CLSTN2: variants seen among roughly 807,000 people sequenced by gnomAD.
CLSTN2 encodes calsyntenin-2.
In CLSTN2, 48 loss-of-function variants were observed where a neutral mutation model predicts 101.2. That is an observed-to-expected ratio of 0.47 (90% CI 0.38 to 0.60). The LOEUF (loss-of-function observed/expected upper bound fraction) is 0.60. Ranked by LOEUF, CLSTN2 falls within the 20% of genes least tolerant of loss-of-function variation. CLSTN2 has a pLI of 0.00. For missense variants in CLSTN2, 1,160 were observed against 1,238.2 expected (o/e 0.94, Z 0.95); for synonymous variants, 481 against 463.6 (o/e 1.04, Z -0.48).
At chr3:140,095,664 T>C (rs1444082576) in intron 1 of CLSTN2, among the ~76,000 whole-genome samples, 1 of 152,212 alleles carries the variant, frequency 6.6e-6, no homozygotes, top group Non-Finnish European at 1.5e-5. Flanking sequence ...ATGGAGACTT[T>C]TCCTGCATCC....
intron 2 of CLSTN2, among the ~76,000 whole-genome samples, chr3:140,306,278 G>T (rs948663725): frequency 6.6e-6 from 1 of 152,096 alleles, no homozygotes; most frequent in Non-Finnish European, 1.5e-5. Flanking sequence ...CCAATGAATC[G>T]CATGCCATGA....
intron 2 of CLSTN2, among the ~76,000 whole-genome samples, chr3:140,258,627 G>C (rs893103577): frequency 1.1e-4 from 17 of 152,168 alleles, no homozygotes; most frequent in African/African-American, 4.1e-4. Context: ...TCTACTTGCA[G>C]TTAAATTCTA....
intron 2 of CLSTN2, among the ~76,000 whole-genome samples, chr3:140,343,749 G>A (rs115298456): frequency 6.6e-6 from 1 of 152,066 alleles, no homozygotes; most frequent in Non-Finnish European, 1.5e-5. Context: ...AAGTTTATAC[G>A]GTTATTCTAA....
At chr3:140,162,633 C>A (rs769787818) in intron 1 of CLSTN2, among the ~76,000 whole-genome samples, 1 of 152,044 alleles carries the variant, frequency 6.6e-6, no homozygotes, top group Non-Finnish European at 1.5e-5. Flanking sequence ...GGCTGGGTGG[C>A]GGGGGCCTTT....
At chr3:140,093,373 G>A (rs2008814016) in intron 1 of CLSTN2, among the ~76,000 whole-genome samples, 1 of 152,106 alleles carries the variant, frequency 6.6e-6, no homozygotes, top group African/African-American at 2.4e-5. Context: ...TGTCCTCACT[G>A]CCTTCTTGTT....
At chr3:140,422,224 A>G (rs2088515139) in intron 5 of CLSTN2, among the ~76,000 whole-genome samples, 1 of 139,024 alleles carries the variant, frequency 7.2e-6, no homozygotes, top group South Asian at 2.3e-4. Context: ...TCTCTCTGCT[A>G]TCTTTAATTC....
At chr3:140,134,698 C>A (rs2009573244) in intron 1 of CLSTN2, among the ~76,000 whole-genome samples, 1 of 152,072 alleles carries the variant, frequency 6.6e-6, no homozygotes, top group African/African-American at 2.4e-5. Context: ...AGCATAGAGG[C>A]CACCAGGCAA....
chr3:139,966,805 C>T (rs1169249070), intron 1 of CLSTN2, among the ~76,000 whole-genome samples: 1 of 152,154 alleles, frequency 6.6e-6, no homozygotes, highest in Non-Finnish European at 1.5e-5. Context: ...GCTGAATTAT[C>T]TTTTGGGTCT....
At chr3:140,341,350 G>T (rs1329739051) in intron 2 of CLSTN2, among the ~76,000 whole-genome samples, 1 of 152,168 alleles carries the variant, frequency 6.6e-6, no homozygotes, top group Non-Finnish European at 1.5e-5. Flanking sequence ...CTTGATTCCT[G>T]CTAAGTGTGC....
chr3:140,129,255 C>T (rs1320261), intron 1 of CLSTN2, among the ~76,000 whole-genome samples: 133,650 of 152,120 alleles, frequency 0.88, 58,921 homozygotes, highest in African/African-American at 0.95. Flanking sequence ...TACCCATACT[C>T]TTTCATGAAA....
chr3:140,075,822 C>T (rs890339940), intron 1 of CLSTN2, among the ~76,000 whole-genome samples: 8 of 151,818 alleles, frequency 5.3e-5, no homozygotes, highest in East Asian at 1.9e-4. Flanking sequence ...TTCGTGTTGG[C>T]GGAGGGACAG....
intron 8 of CLSTN2, among the ~76,000 whole-genome samples, chr3:140,482,939 T>C (rs1008785930): frequency 6.6e-6 from 1 of 152,218 alleles, no homozygotes; most frequent in Non-Finnish European, 1.5e-5. Context: ...TGTCTCTATT[T>C]CCTTCAGTTC....
At chr3:140,372,924 C>G (rs1345912905) in intron 2 of CLSTN2, among the ~76,000 whole-genome samples, 1 of 152,096 alleles carries the variant, frequency 6.6e-6, no homozygotes, top group Non-Finnish European at 1.5e-5. Flanking sequence ...TAAAAATTAG[C>G]CAGGCATAAT....
intron 8 of CLSTN2, among the ~76,000 whole-genome samples, chr3:140,523,130 C>T (rs1423705403): frequency 2.6e-5 from 4 of 151,808 alleles, no homozygotes; most frequent in Non-Finnish European, 5.9e-5. Context: ...ACTTGATGCC[C>T]ATGCACAGAG....
intron 1 of CLSTN2, among the ~76,000 whole-genome samples, chr3:140,024,701 G>A (rs114267529): frequency 6.6e-6 from 1 of 152,282 alleles, no homozygotes; most frequent in African/African-American, 2.4e-5. Context: ...GGAGAACTTA[G>A]GAGAACTTAG....
intron 1 of CLSTN2, among the ~76,000 whole-genome samples, chr3:139,970,336 A>C (rs535114038): frequency 1.3e-5 from 2 of 152,182 alleles, no homozygotes; most frequent in South Asian, 2.1e-4. Context: ...GATGCTCTCC[A>C]TACGCTGCCA....
chr3:140,416,056 C>T (rs2088428646), intron 4 of CLSTN2, among the ~76,000 whole-genome samples: 1 of 152,160 alleles, frequency 6.6e-6, no homozygotes, highest in African/African-American at 2.4e-5. Context: ...CCGTTTGCAA[C>T]AACTTGGATG....
intron 2 of CLSTN2, among the ~76,000 whole-genome samples, chr3:140,280,157 G>T (rs1026739649): frequency 2.0e-5 from 3 of 152,234 alleles, no homozygotes; most frequent in Non-Finnish European, 2.9e-5. Flanking sequence ...AGGGAAGGAA[G>T]AAGAAATGTG....
At chr3:140,545,901 G>A (rs1935574392) in intron 9 of CLSTN2, among the ~76,000 whole-genome samples, 1 of 152,170 alleles carries the variant, frequency 6.6e-6, no homozygotes, top group African/African-American at 2.4e-5. Context: ...TTTAAGCACG[G>A]GTGGAATCAA....
Sources: gnomAD v4.1 joint callset for allele counts (sites outside exome capture counted in the v4.1 genomes callset) on GRCh38, gnomAD v4.1.1 for gene constraint, MANE v1.5 for transcripts, NCBI Gene and HGNC (gene_info 2026-07-23, HGNC 2026-07-21) for gene names.